DNAH12: variants seen among roughly 807,000 people sequenced by gnomAD.
DNAH12 encodes dynein axonemal heavy chain 12.
A neutral mutation model predicts 371.5 loss-of-function variants in DNAH12; 285 were observed. That is an observed-to-expected ratio of 0.77 (90% CI 0.70 to 0.85). The LOEUF (loss-of-function observed/expected upper bound fraction) is 0.85, where lower values mean the gene tolerates loss of function less well. Ranked by LOEUF, DNAH12 falls within the 40% of genes least tolerant of loss-of-function variation. DNAH12 has a pLI of 0.00. For missense variants in DNAH12, 3,611 were observed against 3,689.4 expected (o/e 0.98, Z 0.55); for synonymous variants, 1,200 against 1,213.0 (o/e 0.99, Z 0.22).
intron 37 of DNAH12, among the ~76,000 whole-genome samples, chr3:57,417,583 T>C (rs1014339197): frequency 8.5e-5 from 13 of 152,232 alleles, no homozygotes; most frequent in Admixed American, 2.6e-4. Context: ...AAAAATGTTA[T>C]ACCTTTACTT....
Position 57,471,591 on chromosome 3 carries a change from T to C in DNAH12, c.1792A>G (p.Lys598Glu). The change falls in exon 15 of 74, where the codon AAA (lysine) becomes GAA (glutamate). Residue 598 changes from lysine (K) to glutamate (E), a missense_variant. Lys to Glu is a moderately conservative substitution (Grantham distance 56, BLOSUM62 1). Transcript: ENST00000495027. ...ATTAGTTCATTTTCTTTTTTATGTTTAGCATTCTCAATTAGCTTTTTAAAA... is the reference window on the plus strand; with the variant it reads ...ATTAGTTCATTTTCTTTTTTATGTTCAGCATTCTCAATTAGCTTTTTAAAA... Reference protein sequence around the residue: ...DENDELIENAKHKKENELMAK... With the variant: ...DENDELIENAEHKKENELMAK... The C allele has an allele frequency of 1.3e-6, 2 of 1,539,330 alleles. No homozygotes were observed. Among genetic ancestry groups the C allele is most frequent in the Middle Eastern group, 1.7e-4 (1 of 5,962 alleles).
intron 60 of DNAH12, among the ~76,000 whole-genome samples, chr3:57,346,432 T>C (rs1340820688): frequency 6.6e-6 from 1 of 152,044 alleles, no homozygotes; most frequent in Admixed American, 6.6e-5. Context: ...AAAAAAAAGT[T>C]TTTTAAAAAA....
intron 12 of DNAH12, 119 bp from the exon 13 acceptor site, chr3:57,483,630 G>T (rs10510792): frequency 0.2 from 237,234 of 1,171,330 alleles, 25,029 homozygotes; most frequent in African/African-American, 0.27. Context: ...AAAATTGCTT[G>T]ATTCACTAAG....
chr3:57,502,825 G>A (rs1397006781), intron 9 of DNAH12, among the ~76,000 whole-genome samples: 2 of 152,132 alleles, frequency 1.3e-5, no homozygotes, highest in Non-Finnish European at 2.9e-5. Flanking sequence ...GATTACAGGC[G>A]TGAGCCATCA....
chr3:57,415,173 A>C (rs1233185874), intron 38 of DNAH12, among the ~76,000 whole-genome samples: 1 of 149,904 alleles, frequency 6.7e-6, no homozygotes, highest in Non-Finnish European at 1.5e-5. Context: ...TATTCCCTTT[A>C]CCAGTTAAGA....
chr3:57,396,278 CA>C (rs1191377249), intron 43 of DNAH12, among the ~76,000 whole-genome samples: 1 of 100,414 alleles, frequency 1.0e-5, no homozygotes, highest in Non-Finnish European at 2.0e-5. Flanking sequence ...GACTGCATCT[CA>C]AAAAAAAAAA....
chr3:57,301,265 CAAAAAAAAAAAAAAAA>C (rs71088054), intron 70 of DNAH12, among the ~76,000 whole-genome samples: 13 of 43,046 alleles, frequency 3.0e-4, no homozygotes, highest in Admixed American at 1.0e-3. Flanking sequence ...GACCCTGTCT[CAAAAAAAAAAAAAAAA>C]AAAAAAAAAA....
chr3:57,297,359 A>ATTT (rs35527517), intron 70 of DNAH12: 39 of 158,292 alleles, frequency 2.5e-4, no homozygotes, highest in South Asian at 6.3e-4. Flanking sequence ...CCTTAACCCT[A>ATTT]TTTTTTTTTT....
At chr3:57,385,596 C>T (rs1188310615) in intron 47 of DNAH12, among the ~76,000 whole-genome samples, 167 bp from the exon 48 acceptor site, 3 of 152,086 alleles carry the variant, frequency 2.0e-5, no homozygotes, top group Non-Finnish European at 4.4e-5. Context: ...AAAGTGTGGG[C>T]CAGGGCCAAG....
At chr3:57,338,067 T>C (rs1286242771) in intron 60 of DNAH12, among the ~76,000 whole-genome samples, 2 of 152,204 alleles carry the variant, frequency 1.3e-5, no homozygotes, top group Non-Finnish European at 2.9e-5. Flanking sequence ...GGCTGGACTG[T>C]ACTGCCGTGA....
chr3:57,299,723 C>T (rs2061307315), intron 70 of DNAH12, among the ~76,000 whole-genome samples: 1 of 152,116 alleles, frequency 6.6e-6, no homozygotes, highest in Non-Finnish European at 1.5e-5. Flanking sequence ...TTTCTCTCAT[C>T]GTGAACCAGG....
At chr3:57,305,854 GACAA>G (rs759910454) in intron 69 of DNAH12, among the ~76,000 whole-genome samples, 18 of 152,134 alleles carry the variant, frequency 1.2e-4, no homozygotes, top group Non-Finnish European at 2.6e-4. Context: ...TCCACTGTGA[GACAA>G]ACCCCAGCCA....
chr3:57,311,043 T>G, intron 66 of DNAH12, 93 bp from the exon 67 acceptor site: 1 of 903,754 alleles, frequency 1.1e-6, no homozygotes, highest in Non-Finnish European at 1.7e-6. Context: ...GAAAGGGGGT[T>G]GAAAGAATTA....
At chr3:57,325,403 T>C (rs1057433661) in intron 62 of DNAH12, among the ~76,000 whole-genome samples, 2 of 152,224 alleles carry the variant, frequency 1.3e-5, no homozygotes, top group Non-Finnish European at 2.9e-5. Flanking sequence ...GATAGCAGCA[T>C]TCGTGGTTCA....
chr3:57,408,399 A>C lies in DNAH12; in HGVS notation c.6157T>G (p.Phe2053Val), dbSNP rs1553681955. 1 of 1,551,616 alleles carries C rather than the reference A, an allele frequency of 6.4e-7. No individual in the cohort carries two copies. The highest frequency in any genetic ancestry group is 1.2e-5 in the South Asian group (1 of 84,060). Reference sequence around the variant, plus strand: ...ATTCGGACCATAGTTTCATCACTAAAAGAATTAATACTGCAGATGTTGAAA... The same window carrying C: ...ATTCGGACCATAGTTTCATCACTAACAGAATTAATACTGCAGATGTTGAAA... Reference protein sequence around the residue: ...RHFNICSINSFSDETMVRIFS... With the variant: ...RHFNICSINSVSDETMVRIFS... Residue 2053 changes from phenylalanine (F) to valine (V), a missense_variant, in exon 40 of 74, where the codon TTT becomes GTT. Phe to Val is a conservative substitution (Grantham distance 50). Transcript: ENST00000495027.
chr3:57,489,542 T>C lies in DNAH12; in HGVS notation c.1481A>G (p.Asp494Gly). The C allele has an allele frequency of 1.3e-6, 2 of 1,520,320 alleles. No homozygotes were observed. Among genetic ancestry groups the C allele is most frequent in the Non-Finnish European group, 8.8e-7 (1 of 1,138,708 alleles). The allele number at this position is 1,520,320 out of a possible 1,614,324, so 94.2% of individuals were successfully genotyped here. A position where few individuals can be genotyped will look rare whatever the true frequency, so the allele number is the denominator to read the frequency against. ...TTCTTTTCTATATTTTGAAGCTATG[T>C]CATTTAATAATATGTTTGCAAAGGC... ...AKAFANILLN[D>G]IASKYRKENE... Residue 494 changes from aspartate to glycine, a missense_variant, in exon 12 of 74, where the codon GAC (aspartate) becomes GGC (glycine). Around this residue, in one of 3 missense-constraint regions of DNAH12, gnomAD observed 1,314 missense variants for 1,398.7 expected, o/e 0.94. Coordinates refer to ENST00000495027, the MANE Select transcript of DNAH12 (RefSeq NM_001366028.2).
At chr3:57,302,576 T>C (rs1171483877) in intron 69 of DNAH12, among the ~76,000 whole-genome samples, 43 of 99,378 alleles carry the variant, frequency 4.3e-4, no homozygotes, top group African/African-American at 1.5e-3. Flanking sequence ...TATTTTTTTT[T>C]TTTTTTTTTT....
chr3:57,505,132 G>T (rs981373147), intron 8 of DNAH12, among the ~76,000 whole-genome samples: 8 of 151,890 alleles, frequency 5.3e-5, no homozygotes, highest in African/African-American at 1.9e-4. Context: ...CAAGTGACCC[G>T]CCTGCTTTGG....
At chr3:57,533,609 T>C (rs2068925158) in intron 2 of DNAH12, among the ~76,000 whole-genome samples, 1 of 152,202 alleles carries the variant, frequency 6.6e-6, no homozygotes, top group African/African-American at 2.4e-5. Flanking sequence ...AGGCAGCAGG[T>C]TCCCTTCTGG....
Sources: allele counts gnomAD v4.1 joint callset (sites outside exome capture counted in the v4.1 genomes callset), GRCh38; gene constraint gnomAD v4.1.1; regional missense constraint gnomAD v4.1.1; transcripts MANE v1.5; gene names NCBI Gene and HGNC (gene_info 2026-07-23, HGNC 2026-07-21).